The following PAM variants were observed in gnomAD, a reference collection of about 807,000 sequenced individuals.
PAM encodes the protein peptidyl-glycine alpha-amidating monooxygenase.
Under a neutral mutation model 122.1 loss-of-function variants are expected in PAM, and 72 were observed. The ratio of observed to expected loss-of-function variants is 0.59; its 90% confidence interval spans 0.49 to 0.72. PAM has a LOEUF of 0.72. Among genes scored for constraint, PAM ranks in the 30% least tolerant of loss-of-function variants. PAM has a pLI of 0.00. For missense variants in PAM, 1,106 were observed against 1,183.7 expected, an observed-to-expected ratio of 0.93 and a Z score of 0.96; for synonymous variants, 389 against 404.4, an observed-to-expected ratio of 0.96 and a Z score of 0.46.
chr5:102,926,119 G>A (rs1322232144), intron 6 of PAM, among the ~76,000 whole-genome samples: 2 of 151,360 alleles, frequency 1.3e-5, no homozygotes, highest in Admixed American at 6.6e-5. Flanking sequence ...ACGGAGTCTC[G>A]CTCTGTCGCC....
At position 102,805,196 on chromosome 5, in the gene PAM, G is replaced by A. The variant is rs113754342; in HGVS notation, c.-374+49848G>A. Among the ~76,000 whole-genome samples the A allele has an allele frequency of 7.6e-3, 1,131 of 149,768 alleles. 15 individuals are homozygous for A. The highest frequency in any genetic ancestry group is 0.027 in the African/African-American group (1,079 of 40,668). On this transcript the variant is annotated intron_variant, in intron 1 of 25. Transcript: ENST00000438793. ...AGCAGTTCTCCTGCCTCAACCTCCTGAGTAGCTGGGACTACAAGCACGTGC... is the reference window on the plus strand; with the variant it reads ...AGCAGTTCTCCTGCCTCAACCTCCTAAGTAGCTGGGACTACAAGCACGTGC...
At chr5:102,885,652 G>A (rs1159209052) in intron 3 of PAM, among the ~76,000 whole-genome samples, 5 of 152,062 alleles carry the variant, frequency 3.3e-5, no homozygotes, top group Middle Eastern at 3.4e-3. Flanking sequence ...TGTGGCCAGA[G>A]GTGAGGAAAT....
intron 1 of PAM, among the ~76,000 whole-genome samples, chr5:102,855,969 A>G (rs1367014430): frequency 6.6e-6 from 1 of 152,180 alleles, no homozygotes; most frequent in Non-Finnish European, 1.5e-5. Flanking sequence ...TACCTAAATC[A>G]GTGGGTCAAT....
intron 3 of PAM, among the ~76,000 whole-genome samples, chr5:102,870,968 G>C (rs1448042760): frequency 6.6e-6 from 1 of 152,200 alleles, no homozygotes; most frequent in South Asian, 2.1e-4. Flanking sequence ...CATGGTCATA[G>C]TATGGTGATA....
chr5:102,793,439 G>A (rs761323720), intron 1 of PAM, among the ~76,000 whole-genome samples: 8 of 152,198 alleles, frequency 5.3e-5, no homozygotes, highest in Non-Finnish European at 1.0e-4. Flanking sequence ...GCTGACGTGG[G>A]AGGATTGCTT....
At chr5:102,995,831 G>C (rs543219784) in intron 16 of PAM, among the ~76,000 whole-genome samples, 1 of 151,760 alleles carries the variant, frequency 6.6e-6, no homozygotes, top group African/African-American at 2.4e-5. Context: ...TCTATTTTCA[G>C]AAGTAAGTGT....
intron 1 of PAM, among the ~76,000 whole-genome samples, chr5:102,818,476 A>G (rs1408545073): frequency 2.6e-5 from 4 of 152,082 alleles, no homozygotes; most frequent in Non-Finnish European, 5.9e-5. Flanking sequence ...TCTGCCCTTT[A>G]CAGACCTTGT....
At chr5:102,992,151 C>T (rs1228849317) in intron 16 of PAM, among the ~76,000 whole-genome samples, 2 of 152,120 alleles carry the variant, frequency 1.3e-5, no homozygotes, top group Admixed American at 6.6e-5. Flanking sequence ...GCTGTGCTAG[C>T]ATCTAGGTAA....
At chr5:102,987,232 C>A (rs947031192) in intron 15 of PAM, among the ~76,000 whole-genome samples, 1 of 152,114 alleles carries the variant, frequency 6.6e-6, no homozygotes, top group Admixed American at 6.5e-5. Context: ...GAATGGAATC[C>A]TGTCATTTGC....
chr5:103,003,788 C>T (rs1405926857), intron 17 of PAM, among the ~76,000 whole-genome samples: 1 of 152,104 alleles, frequency 6.6e-6, no homozygotes, highest in Non-Finnish European at 1.5e-5. Context: ...TTCTTCAGGA[C>T]AACCAAACTC....
At chr5:102,848,323 A>G (rs1169187683) in intron 1 of PAM, among the ~76,000 whole-genome samples, 2 of 152,192 alleles carry the variant, frequency 1.3e-5, no homozygotes, top group African/African-American at 4.8e-5. Flanking sequence ...GAAATATGAG[A>G]TACTGTTGGT....
chr5:102,945,583 G>T (rs187570216), intron 7 of PAM, among the ~76,000 whole-genome samples: 2 of 151,858 alleles, frequency 1.3e-5, no homozygotes, highest in Non-Finnish European at 2.9e-5. Flanking sequence ...GTTCCCATCT[G>T]TTTTTTAAGC....
chr5:102,975,739 T>C (rs1016133271), intron 15 of PAM, among the ~76,000 whole-genome samples: 10 of 152,206 alleles, frequency 6.6e-5, no homozygotes, highest in Admixed American at 6.5e-4. Flanking sequence ...GACAGTGAAT[T>C]GTAACCCAGA....
At chr5:102,808,217 CT>C (rs1383841267) in intron 1 of PAM, 2 of 152,226 alleles carry the variant, frequency 1.3e-5, no homozygotes, top group Non-Finnish European at 2.9e-5. Context: ...TTTCAGACAT[CT>C]GTAGCAATGG....
intron 1 of PAM, among the ~76,000 whole-genome samples, chr5:102,839,531 A>G (rs924733141): frequency 2.2e-5 from 3 of 133,972 alleles, no homozygotes; most frequent in African/African-American, 9.2e-5. Flanking sequence ...AGCAAGGCTC[A>G]GTCTCAAAAA....
chr5:102,872,780 C>G (rs957168022), intron 3 of PAM, among the ~76,000 whole-genome samples: 10 of 152,124 alleles, frequency 6.6e-5, no homozygotes, highest in Non-Finnish European at 1.2e-4. Context: ...TGTTCAGAAG[C>G]TTGGCTTTTG....
chr5:102,774,853 G>A (rs194473), intron 1 of PAM, among the ~76,000 whole-genome samples: 67,721 of 151,736 alleles, frequency 0.45, 15,537 homozygotes, highest in African/African-American at 0.55. Flanking sequence ...GTGTAAGTCA[G>A]TTATTAAAGA....
At chr5:102,986,162 G>A (rs1771751052) in intron 15 of PAM, among the ~76,000 whole-genome samples, 2 of 152,152 alleles carry the variant, frequency 1.3e-5, no homozygotes, top group Non-Finnish European at 2.9e-5. Flanking sequence ...TTTCCTTTAA[G>A]AAGTGGAATA....
chr5:102,899,831 G>A (rs996380217), intron 3 of PAM, among the ~76,000 whole-genome samples: 3 of 151,636 alleles, frequency 2.0e-5, no homozygotes, highest in African/African-American at 4.8e-5. Context: ...GGGGTGTGGT[G>A]AGGGAAAGGC....
Sources: allele counts gnomAD v4.1 joint callset (sites outside exome capture counted in the v4.1 genomes callset), GRCh38; gene constraint gnomAD v4.1.1; transcripts MANE v1.5; gene names NCBI Gene and HGNC (gene_info 2026-07-23, HGNC 2026-07-21).